Variants in IMMP2L observed in about 807,000 individuals in gnomAD.
IMMP2L encodes mitochondrial inner membrane protease subunit 2.
A neutral mutation model predicts 19.3 loss-of-function variants in IMMP2L; 18 were observed. The observed-to-expected ratio is 0.93, with a 90% CI of 0.64 to 1.38. IMMP2L has a LOEUF of 1.38. Among genes scored for constraint, IMMP2L ranks in the 40% most tolerant of loss-of-function variants. The pLI, the probability that IMMP2L is intolerant of heterozygous loss-of-function variation, is 0.00. For missense variants in IMMP2L, 233 were observed against 218.2 expected (o/e 1.07, Z -0.43); for synonymous variants, 76 against 73.0 (o/e 1.04, Z -0.21).
At chr7:110,776,628 C>A (rs1458646969) in intron 5 of IMMP2L, among the ~76,000 whole-genome samples, 2 of 151,998 alleles carry the variant, frequency 1.3e-5, no homozygotes, top group African/African-American at 4.8e-5. Flanking sequence ...ACTAACTGCA[C>A]TTGCATACTG....
At chr7:111,013,766 CT>C (rs1183326138) in intron 3 of IMMP2L, among the ~76,000 whole-genome samples, 1 of 151,894 alleles carries the variant, frequency 6.6e-6, no homozygotes, top group Non-Finnish European at 1.5e-5. Flanking sequence ...TTATGTATAT[CT>C]TTTATTCGTT....
intron 3 of IMMP2L, among the ~76,000 whole-genome samples, chr7:111,047,174 TG>T (rs920009483): frequency 6.9e-5 from 1 of 14,456 alleles, no homozygotes; most frequent in Non-Finnish European, 2.2e-4. Flanking sequence ...ATGTCTTTTT[TG>T]TTTTTTTTTT....
At chr7:110,683,704 G>C (rs1372317610) in intron 5 of IMMP2L, among the ~76,000 whole-genome samples, 2 of 152,030 alleles carry the variant, frequency 1.3e-5, no homozygotes, top group African/African-American at 4.8e-5. Flanking sequence ...AAGGCATATT[G>C]GTCCAATGTC....
chr7:111,421,180 G>A (rs1835483892), intron 3 of IMMP2L, among the ~76,000 whole-genome samples: 1 of 151,264 alleles, frequency 6.6e-6, no homozygotes, highest in Admixed American at 6.6e-5. Flanking sequence ...ATTTTTTCAT[G>A]TGTCTGTTGG....
At chr7:110,730,784 CA>C (rs1796222874) in intron 5 of IMMP2L, among the ~76,000 whole-genome samples, 1 of 152,172 alleles carries the variant, frequency 6.6e-6, no homozygotes, top group Non-Finnish European at 1.5e-5. Flanking sequence ...CTCAGCCTCC[CA>C]AAGTGCTGGG....
At chr7:110,981,679 T>C (rs1821317557) in intron 3 of IMMP2L, among the ~76,000 whole-genome samples, 1 of 152,192 alleles carries the variant, frequency 6.6e-6, no homozygotes, top group South Asian at 2.1e-4. Flanking sequence ...TTCAATTACA[T>C]TTCCAGGACT....
intron 4 of IMMP2L, among the ~76,000 whole-genome samples, chr7:110,958,918 G>A (rs541101431): frequency 1.3e-5 from 2 of 152,138 alleles, no homozygotes; most frequent in South Asian, 2.1e-4. Context: ...TGGAAGTCCT[G>A]CAACACTGTC....
intron 3 of IMMP2L, among the ~76,000 whole-genome samples, chr7:111,302,246 A>G (rs545635215): frequency 1.3e-5 from 2 of 152,198 alleles, no homozygotes; most frequent in East Asian, 3.9e-4. Context: ...CAAACACCCA[A>G]GTTTAATCCT....
At chr7:110,961,445 TTC>T (rs1818931611) in intron 4 of IMMP2L, among the ~76,000 whole-genome samples, 1 of 151,496 alleles carries the variant, frequency 6.6e-6, no homozygotes, top group South Asian at 2.1e-4. Flanking sequence ...TTTTTTTTTT[TTC>T]AGTACAGACA....
At chr7:111,128,066 T>C (rs1209345264) in intron 3 of IMMP2L, among the ~76,000 whole-genome samples, 2 of 152,172 alleles carry the variant, frequency 1.3e-5, no homozygotes, top group Admixed American at 1.3e-4. Flanking sequence ...TTAATACTTA[T>C]TTTAGTGTTA....
intron 3 of IMMP2L, among the ~76,000 whole-genome samples, chr7:111,377,374 C>T (rs1434113029): frequency 6.6e-6 from 1 of 151,980 alleles, no homozygotes; most frequent in East Asian, 1.9e-4. Flanking sequence ...TAGTATCCCT[C>T]TATACTACAG....
chr7:111,505,269 A>G (rs1345921337), intron 2 of IMMP2L, among the ~76,000 whole-genome samples: 2 of 151,182 alleles, frequency 1.3e-5, no homozygotes, highest in Non-Finnish European at 1.5e-5. Flanking sequence ...CAAAACCACA[A>G]TGAGATACCA....
At chr7:111,060,856 T>C (rs772734615) in intron 3 of IMMP2L, among the ~76,000 whole-genome samples, 11 of 152,336 alleles carry the variant, frequency 7.2e-5, no homozygotes, top group Non-Finnish European at 1.5e-4. Context: ...TCAGATACTG[T>C]CCTAAAACTT....
intron 3 of IMMP2L, among the ~76,000 whole-genome samples, chr7:111,279,385 T>C (rs1819449813): frequency 6.6e-6 from 1 of 152,042 alleles, no homozygotes; most frequent in African/African-American, 2.4e-5. Context: ...GATCTTGAGA[T>C]AAGAGTACTG....
intron 3 of IMMP2L, among the ~76,000 whole-genome samples, chr7:111,190,539 C>A (rs779302013): frequency 6.6e-6 from 1 of 151,956 alleles, no homozygotes; most frequent in African/African-American, 2.4e-5. Flanking sequence ...ACAATAGGAA[C>A]GTAAGGTAGA....
At chr7:110,666,689 A>G (rs1321441781) in intron 5 of IMMP2L, among the ~76,000 whole-genome samples, 1 of 151,880 alleles carries the variant, frequency 6.6e-6, no homozygotes, top group Non-Finnish European at 1.5e-5. Context: ...GTTCTCCCTC[A>G]CCTTCCGCAC....
chr7:110,925,143 T>C (rs1254336155), intron 4 of IMMP2L, among the ~76,000 whole-genome samples: 3 of 152,178 alleles, frequency 2.0e-5, no homozygotes, highest in Non-Finnish European at 2.9e-5. Flanking sequence ...GATTAGCTTT[T>C]ATTTTTCTAT....
chr7:111,007,652 CG>C (rs1824442067), intron 3 of IMMP2L, among the ~76,000 whole-genome samples: 1 of 151,896 alleles, frequency 6.6e-6, no homozygotes, highest in African/African-American at 2.4e-5. Context: ...CTGACGTGTA[CG>C]TATGTACACA....
intron 3 of IMMP2L, among the ~76,000 whole-genome samples, chr7:111,026,769 G>C (rs2396301): frequency 5.9e-5 from 9 of 151,916 alleles, no homozygotes; most frequent in Admixed American, 5.2e-4. Context: ...TCTTAAACCC[G>C]TCAAGATTTC....
Sources: gnomAD v4.1 joint callset for allele counts (sites outside exome capture counted in the v4.1 genomes callset) on GRCh38, gnomAD v4.1.1 for gene constraint, MANE v1.5 for transcripts, NCBI Gene and HGNC (gene_info 2026-07-23, HGNC 2026-07-21) for gene names.